The following DCAF5 variants were observed in gnomAD, a reference collection of about 807,000 sequenced individuals.
The protein encoded by DCAF5 is DDB1- and CUL4-associated factor 5.
A neutral mutation model predicts 80.7 loss-of-function variants in DCAF5; 9 were observed. The observed-to-expected ratio is 0.11, with a 90% confidence interval of 0.07 to 0.19. The LOEUF is 0.19. DCAF5 is among the 10% of genes least tolerant of loss of function. DCAF5 has a pLI of 1.00. For synonymous variants in DCAF5, 433 were observed against 461.9 expected, an observed-to-expected ratio of 0.94 and a Z score of 0.80; for missense variants, 842 against 1,205.7, an observed-to-expected ratio of 0.70 and a Z score of 4.47.
chr14:69,096,842 TTAATC>T (rs1367687177), intron 5 of DCAF5, among the ~76,000 whole-genome samples: 1 of 152,166 alleles, frequency 6.6e-6, no homozygotes, highest in Non-Finnish European at 1.5e-5. Flanking sequence ...AAATAGCCAT[TTAATC>T]TTCACCTTAC....
chr14:69,126,831 T>C (rs927337011), intron 1 of DCAF5, among the ~76,000 whole-genome samples: 2 of 152,106 alleles, frequency 1.3e-5, no homozygotes, highest in Non-Finnish European at 2.9e-5. Context: ...CAACAAATGG[T>C]GCTGAAACAT....
chr14:69,106,957 G>A (rs1163150916), intron 5 of DCAF5, among the ~76,000 whole-genome samples: 3 of 152,200 alleles, frequency 2.0e-5, no homozygotes, highest in South Asian at 2.1e-4. Context: ...CAGGAGAATC[G>A]CCTGAACCCA....
Position 69,152,951 on chromosome 14 carries a change from T to C in DCAF5, c.28A>G (p.Ser10Gly), listed in dbSNP as rs770295634. 1.2e-6 allele frequency: 2 copies of C among 1,611,942 alleles called. No homozygotes were observed. Among genetic ancestry groups the C allele is most frequent in the Admixed American group, 3.3e-5 (2 of 59,914 alleles). ...AAGAAGCCCACCACTGACCTCATGC[T>C]GCCCCCCAGGCCAGCTCTCCTCTTC... MKRRAGLGG[S>G]MRSVVGFLSQ... The change falls in exon 1 of 9, where the codon AGC (serine) becomes GGC (glycine). Residue 10 changes from serine (S) to glycine (G), a missense_variant. This residue lies in a region of DCAF5 where 28 missense variants were observed against 28.7 expected (regional missense o/e 0.98). Transcript: ENST00000341516. This position sits in a 1 kb window ranked among gnomAD's most constrained non-coding sequence, Gnocchi z 4.1.
rs755886819 is a variant in DCAF5, at chr14:69,053,949, C to T, written c.2737G>A (p.Val913Ile). 2.5e-6 allele frequency: 4 copies of T among 1,613,150 alleles called. No homozygotes were observed. The highest frequency in any genetic ancestry group is 3.4e-6 in the Non-Finnish European group (4 of 1,179,704). ...DTPATDSSRA[V>I]HGHSGLKRQR... is the part of the protein sequence containing the mutation. ...CTTTTGAGGCCACTGTGGCCATGAA[C>T]AGCCCTGCTACTATCTGTGGCTGGG... Residue 913 changes from valine to isoleucine, a missense_variant, in exon 9 of 9, where the codon GTT (valine) becomes ATT (isoleucine). By Grantham distance (29) the Val-to-Ile change is conservative (BLOSUM62 3). Transcript: ENST00000341516.
rs542055302 is a variant in DCAF5, at chr14:69,116,238, A to G, written c.665+128T>C. ...AAGCTCTCCTGGCTTGAGAGACACT[A>G]TATATCTTAAGAAATGCCCAGCAGA... is the stretch of plus-strand genomic sequence containing the variant. On this transcript the variant is annotated intron_variant, in intron 5 of 8. Transcript: ENST00000341516. The G allele has an allele frequency of 7.1e-6, 8 of 1,129,450 alleles. No individual in the cohort carries two copies. In the Admixed American group the frequency reaches 1.8e-4, roughly 26 times the overall value. The allele number at this position is 1,129,450 out of a possible 1,614,324, so 70.0% of individuals were successfully genotyped here.
intron 8 of DCAF5, among the ~76,000 whole-genome samples, chr14:69,061,811 T>C (rs539475691): frequency 6.6e-6 from 1 of 152,266 alleles, no homozygotes; most frequent in East Asian, 1.9e-4. Context: ...GCATACAAGG[T>C]AGTGTCTAGA....
At chr14:69,148,314 T>C (rs1194315715) in intron 1 of DCAF5, among the ~76,000 whole-genome samples, 1 of 152,156 alleles carries the variant, frequency 6.6e-6, no homozygotes, top group Non-Finnish European at 1.5e-5. Context: ...TCAAATACAA[T>C]GTTGTTCCCC....
chr14:69,119,086 A>G (rs565671794), intron 3 of DCAF5, 108 bp downstream of exon 3: 1 of 1,040,180 alleles, frequency 9.6e-7, no homozygotes, highest in East Asian at 2.7e-5. Flanking sequence ...AGCTGGTTTC[A>G]TGTTGTTTTT....
intron 1 of DCAF5, among the ~76,000 whole-genome samples, chr14:69,135,121 T>C (rs778297165): frequency 3.9e-5 from 6 of 152,228 alleles, no homozygotes; most frequent in African/African-American, 1.4e-4. Flanking sequence ...GTGTGTCCCA[T>C]GGACCCCAGA....
chr14:69,125,918 A>C (rs935052603), intron 1 of DCAF5, among the ~76,000 whole-genome samples: 1 of 152,310 alleles, frequency 6.6e-6, no homozygotes, highest in African/African-American at 2.4e-5. Context: ...AGAGGCTTTT[A>C]AGTGTATCTG....
At chr14:69,143,414 T>C (rs1245210413) in intron 1 of DCAF5, among the ~76,000 whole-genome samples, 1 of 152,174 alleles carries the variant, frequency 6.6e-6, no homozygotes, top group African/African-American at 2.4e-5. Flanking sequence ...CCCTCATATG[T>C]AATATAAGGA....
chr14:69,066,292 G>A (rs138878615), intron 7 of DCAF5, among the ~76,000 whole-genome samples: 1,729 of 151,920 alleles, frequency 0.011, 37 homozygotes, highest in African/African-American at 0.039. Flanking sequence ...ACACCACCAC[G>A]CCCAGCTAAT....
intron 6 of DCAF5, among the ~76,000 whole-genome samples, chr14:69,088,145 G>C (rs1212646396): frequency 6.6e-6 from 1 of 152,126 alleles, no homozygotes; most frequent in African/African-American, 2.4e-5. Context: ...ACTCCTTAAT[G>C]TTTACTCCTA....
At chr14:69,136,985 C>T (rs1174055683) in intron 1 of DCAF5, among the ~76,000 whole-genome samples, 1 of 152,076 alleles carries the variant, frequency 6.6e-6, no homozygotes, top group East Asian at 1.9e-4. Flanking sequence ...ATCAAAAAGG[C>T]TACATGTTCC....
At chr14:69,130,102 A>G (rs1008736088) in intron 1 of DCAF5, among the ~76,000 whole-genome samples, 1 of 152,190 alleles carries the variant, frequency 6.6e-6, no homozygotes, top group African/African-American at 2.4e-5. Context: ...ACAACACACT[A>G]TAACAAAGTA....
intron 6 of DCAF5, among the ~76,000 whole-genome samples, chr14:69,079,037 G>A (rs917845356): frequency 6.6e-5 from 10 of 152,110 alleles, no homozygotes; most frequent in African/African-American, 2.2e-4. Flanking sequence ...TACGTTACAC[G>A]TTTAAAAGAG....
chr14:69,056,768 C>T (rs2037989422), intron 8 of DCAF5, among the ~76,000 whole-genome samples: 1 of 152,178 alleles, frequency 6.6e-6, no homozygotes, highest in Non-Finnish European at 1.5e-5. Flanking sequence ...TCCTGAGTCC[C>T]ATTCCTGCCA....
At chr14:69,116,046 T>C (rs1297268658) in intron 5 of DCAF5, among the ~76,000 whole-genome samples, 2 of 149,930 alleles carry the variant, frequency 1.3e-5, no homozygotes, top group East Asian at 2.0e-4. Flanking sequence ...CAAGAGCTCC[T>C]ATGCATCTGG....
At chr14:69,073,630 C>A (rs992808589) in intron 7 of DCAF5, among the ~76,000 whole-genome samples, 1 of 151,946 alleles carries the variant, frequency 6.6e-6, no homozygotes, top group Non-Finnish European at 1.5e-5. Flanking sequence ...CCAGCCTGGG[C>A]AAGAGAGTGA....
Sources: gnomAD v4.1 joint callset for allele counts (sites outside exome capture counted in the v4.1 genomes callset) on GRCh38, gnomAD v4.1.1 for gene constraint, gnomAD v4.1.1 regional missense constraint, Gnocchi (gnomAD v3.1) non-coding constraint, MANE v1.5 for transcripts, NCBI Gene and HGNC (gene_info 2026-07-23, HGNC 2026-07-21) for gene names.